The following EXOC4 variants were observed in gnomAD, a reference collection of about 807,000 sequenced individuals.
EXOC4 encodes the protein SEC8-like 1.
EXOC4 carries 71 observed loss-of-function variants against 107.2 expected under a neutral mutation model. The observed-to-expected ratio is 0.66, with a 90% confidence interval of 0.55 to 0.81. The LOEUF (loss-of-function observed/expected upper bound fraction) is 0.81, where lower values mean the gene tolerates loss of function less well. Ranked by LOEUF, EXOC4 falls within the 30% of genes least tolerant of loss-of-function variation. EXOC4 has a pLI of 0.00. For missense variants in EXOC4, 1,108 were observed against 1,189.6 expected, an observed-to-expected ratio of 0.93 and a Z score of 1.01; for synonymous variants, 456 against 441.2, an observed-to-expected ratio of 1.03 and a Z score of -0.42.
chr7:133,311,510 G>A (rs1359413658), intron 4 of EXOC4, among the ~76,000 whole-genome samples: 1 of 152,052 alleles, frequency 6.6e-6, no homozygotes, highest in Non-Finnish European at 1.5e-5. Flanking sequence ...AATAAATTTA[G>A]GTGTCTACCT....
chr7:133,647,584 TC>T (rs1448493510), intron 10 of EXOC4, among the ~76,000 whole-genome samples: 2 of 152,058 alleles, frequency 1.3e-5, no homozygotes, highest in African/African-American at 4.8e-5. Context: ...GAGCCCCAAC[TC>T]TTACCTCCAA....
intron 12 of EXOC4, among the ~76,000 whole-genome samples, chr7:133,896,607 G>T (rs1799314696): frequency 6.6e-6 from 1 of 151,474 alleles, no homozygotes; most frequent in South Asian, 2.1e-4. Flanking sequence ...ATAAAGGCAG[G>T]GGTGGAGGAA....
At chr7:134,026,004 T>C (rs1197307628) in intron 17 of EXOC4, among the ~76,000 whole-genome samples, 1 of 152,210 alleles carries the variant, frequency 6.6e-6, no homozygotes, top group African/African-American at 2.4e-5. Context: ...CCCAACGCAG[T>C]GCCTCATACA....
At chr7:134,027,656 C>CAAAAA (rs11408269) in intron 17 of EXOC4, among the ~76,000 whole-genome samples, 1 of 124,752 alleles carries the variant, frequency 8.0e-6, no homozygotes, top group East Asian at 2.3e-4. Flanking sequence ...GACTCCATCT[C>CAAAAA]AAAAAAAAAA....
chr7:134,043,274 C>T (rs138412078), intron 17 of EXOC4, among the ~76,000 whole-genome samples: 1 of 152,212 alleles, frequency 6.6e-6, no homozygotes, highest in African/African-American at 2.4e-5. Flanking sequence ...TGCTGTCACA[C>T]AGCACATAAA....
intron 10 of EXOC4, among the ~76,000 whole-genome samples, chr7:133,692,905 T>A (rs1794452122): frequency 6.6e-6 from 1 of 152,212 alleles, no homozygotes. Context: ...CTTCACATGT[T>A]ATTTTATTCC....
At chr7:133,734,876 G>A (rs1027869868) in intron 10 of EXOC4, among the ~76,000 whole-genome samples, 2 of 151,540 alleles carry the variant, frequency 1.3e-5, no homozygotes, top group Non-Finnish European at 2.9e-5. Flanking sequence ...TGAAATATTA[G>A]AGATTTAACA....
the EXOC4 span, among the ~76,000 whole-genome samples, chr7:134,078,076 A>T: frequency 2.0e-5 from 3 of 152,106 alleles, no homozygotes; most frequent in Non-Finnish European, 2.9e-5. Context: ...AGGAAAACTT[A>T]TTTTGCTTTC....
intron 9 of EXOC4, among the ~76,000 whole-genome samples, chr7:133,573,309 C>G (rs1801062340): frequency 6.6e-6 from 1 of 152,170 alleles, no homozygotes; most frequent in African/African-American, 2.4e-5. Context: ...TAGCTATTGA[C>G]AGAGATAAAT....
intron 10 of EXOC4, among the ~76,000 whole-genome samples, chr7:133,686,137 C>A (rs1794293500): frequency 6.6e-6 from 1 of 152,116 alleles, no homozygotes; most frequent in African/African-American, 2.4e-5. Flanking sequence ...AGTCAGCCCC[C>A]TGCCCATGTG....
chr7:133,984,283 AC>A (rs1286390924), intron 14 of EXOC4, among the ~76,000 whole-genome samples: 1 of 152,176 alleles, frequency 6.6e-6, no homozygotes, highest in African/African-American at 2.4e-5. Flanking sequence ...GCCTAAGGGA[AC>A]GACTATCCAT....
intron 9 of EXOC4, among the ~76,000 whole-genome samples, chr7:133,597,450 A>T (rs1325784400): frequency 6.6e-6 from 1 of 150,654 alleles, no homozygotes; most frequent in East Asian, 2.0e-4. Flanking sequence ...GCTGCTCGGC[A>T]GGCTGAGGCA....
At chr7:133,366,396 C>A (rs1032500290) in intron 6 of EXOC4, among the ~76,000 whole-genome samples, 1 of 152,106 alleles carries the variant, frequency 6.6e-6, no homozygotes, top group African/African-American at 2.4e-5. Flanking sequence ...GTTTTAAAAC[C>A]TGCTGGGTAA....
chr7:133,411,871 T>A (rs1304134914), intron 7 of EXOC4, among the ~76,000 whole-genome samples: 1 of 152,158 alleles, frequency 6.6e-6, no homozygotes, highest in African/African-American at 2.4e-5. Context: ...TGGAACATGC[T>A]TGTTTATTTG....
chr7:133,709,124 A>G (rs1306086586), intron 10 of EXOC4, among the ~76,000 whole-genome samples: 1 of 152,188 alleles, frequency 6.6e-6, no homozygotes, highest in East Asian at 1.9e-4. Flanking sequence ...TGTAATGGGC[A>G]CTGTGTTCAG....
intron 17 of EXOC4, among the ~76,000 whole-genome samples, chr7:134,026,290 C>T (rs568439955): frequency 4.0e-5 from 6 of 151,684 alleles, no homozygotes; most frequent in African/African-American, 1.5e-4. Flanking sequence ...GACTTATACT[C>T]ATAGCTGGAA....
At chr7:133,745,329 C>T (rs1279701143) in intron 10 of EXOC4, among the ~76,000 whole-genome samples, 1 of 152,090 alleles carries the variant, frequency 6.6e-6, no homozygotes, top group Non-Finnish European at 1.5e-5. Flanking sequence ...TGAATCTCAA[C>T]TGTTCTTTTA....
Position 133,937,949 on chromosome 7 carries a change from C to G in EXOC4, c.2086C>G (p.Pro696Ala), listed in dbSNP as rs1212497934. 7 of 1,614,100 alleles carry G rather than the reference C, an allele frequency of 4.3e-6. No individual in the cohort carries two copies. Among genetic ancestry groups the G allele is most frequent in the Admixed American group, 1.7e-5 (1 of 60,004 alleles). Residue 696 changes from proline (P) to alanine (A), a missense_variant, in exon 14 of 18, where the codon CCT becomes GCT. Physicochemically the swap from Pro to Ala is conservative, Grantham distance 27. Coordinates refer to ENST00000253861, the MANE Select transcript of EXOC4 (RefSeq NM_021807.4). ...LIGNLGDKLI[P>A]PQDILRDVSD... The stretch of plus-strand genomic sequence containing the variant: ...TGGGAACCTGGGTGATAAATTAATC[C>G]CTCCACAAGACATCCTTCGTGACGT...
chr7:133,440,213 C>T (rs1464994494), intron 7 of EXOC4, among the ~76,000 whole-genome samples: 1 of 152,084 alleles, frequency 6.6e-6, no homozygotes, highest in Non-Finnish European at 1.5e-5. Flanking sequence ...TCTTATTTCT[C>T]TTCATGTTTT....
Sources: allele counts gnomAD v4.1 joint callset (sites outside exome capture counted in the v4.1 genomes callset), GRCh38; gene constraint gnomAD v4.1.1; transcripts MANE v1.5; gene names NCBI Gene and HGNC (gene_info 2026-07-23, HGNC 2026-07-21).